Variants in ADAM23 observed in about 807,000 individuals in gnomAD.
ADAM23 encodes ADAM metallopeptidase domain 23.
A neutral mutation model predicts 120.1 loss-of-function variants in ADAM23; 33 were observed. The ratio of observed to expected loss-of-function variants is 0.27; its 90% CI spans 0.21 to 0.37. The LOEUF (loss-of-function observed/expected upper bound fraction) is 0.37, where lower values mean the gene tolerates loss of function less well. Ranked by LOEUF, ADAM23 falls within the 10% of genes least tolerant of loss-of-function variation. The pLI is 1.00. For synonymous variants in ADAM23, 367 were observed against 375.2 expected, an observed-to-expected ratio of 0.98 and a Z score of 0.25; for missense variants, 862 against 1,058.2, an observed-to-expected ratio of 0.81 and a Z score of 2.57.
intron 3 of ADAM23, among the ~76,000 whole-genome samples, chr2:206,487,736 A>G (rs945220638): frequency 6.6e-6 from 1 of 152,234 alleles, no homozygotes; most frequent in Admixed American, 6.5e-5. Flanking sequence ...GGATGCATCA[A>G]GGGTAATGCC....
rs371801798 is a variant in ADAM23 at position 206,476,820 on chromosome 2, T to C, written c.433-4412T>C. Among the ~76,000 whole-genome samples the C allele has an allele frequency of 2.0e-5, 3 of 152,176 alleles. No individual in the cohort carries two copies. In the East Asian group the frequency reaches 5.8e-4, roughly 29 times the overall value. ...ACAATTTAGTAGAAATTCAGCCTTATGATATTTTTTGAATTCTGGGAAAAT... is the reference window on the plus strand; with the variant it reads ...ACAATTTAGTAGAAATTCAGCCTTACGATATTTTTTGAATTCTGGGAAAAT... On this transcript the variant is annotated intron_variant, in intron 2 of 25. Coordinates refer to ENST00000264377, the MANE Select transcript of ADAM23 (RefSeq NM_003812.4).
chr2:206,611,821 G>A (rs1189507671), intron 25 of ADAM23, among the ~76,000 whole-genome samples: 1 of 152,178 alleles, frequency 6.6e-6, no homozygotes, highest in Non-Finnish European at 1.5e-5. Context: ...GCCCTGTAAA[G>A]ATTCTTTATA....
Position 206,476,696 on chromosome 2 carries a change from G to C in ADAM23, c.433-4536G>C, listed in dbSNP as rs1476876860. 1.3e-4 allele frequency among the ~76,000 whole-genome samples: 20 copies of C among 152,126 alleles called. No homozygotes were observed. The East Asian group carries it at 3.9e-3, about 29-fold the overall frequency. On this transcript the variant is annotated intron_variant, in intron 2 of 25. Transcript: ENST00000264377. Reference sequence around the variant, plus strand: ...GTGCCAAAAAGGTTGGGGACCACTGGTTTAGAGCATACTAAGGTGAAATAT... The same window carrying C: ...GTGCCAAAAAGGTTGGGGACCACTGCTTTAGAGCATACTAAGGTGAAATAT...
intron 3 of ADAM23, among the ~76,000 whole-genome samples, chr2:206,500,495 C>T (rs555564483): frequency 6.6e-6 from 1 of 152,280 alleles, no homozygotes; most frequent in Admixed American, 6.5e-5. Context: ...TTATCTCTAT[C>T]TCAGCGGTGA....
chr2:206,496,539 A>C (rs1696252629), intron 3 of ADAM23, among the ~76,000 whole-genome samples: 1 of 152,222 alleles, frequency 6.6e-6, no homozygotes, highest in Non-Finnish European at 1.5e-5. Flanking sequence ...AATGCCCACA[A>C]GAGAAAGCAG....
At chr2:206,514,869 G>A (rs1022859855) in intron 3 of ADAM23, among the ~76,000 whole-genome samples, 1 of 152,188 alleles carries the variant, frequency 6.6e-6, no homozygotes, top group African/African-American at 2.4e-5. Flanking sequence ...GGGCTCAGGT[G>A]ATCATTAGCG....
At chr2:206,547,631 C>T (rs1256480131) in intron 7 of ADAM23, 130 bp downstream of exon 7, 2 of 681,232 alleles carry the variant, frequency 2.9e-6, no homozygotes, top group Non-Finnish European at 4.8e-6. Flanking sequence ...CGTGGATCAG[C>T]ACTGGAATGA....
chr2:206,497,988 A>G (rs1696294316), intron 3 of ADAM23, among the ~76,000 whole-genome samples: 1 of 152,214 alleles, frequency 6.6e-6, no homozygotes. Context: ...CCACTGCTCA[A>G]TGAAATAAAA....
At chr2:206,601,947 T>G (rs1434664328) in intron 24 of ADAM23, among the ~76,000 whole-genome samples, 1 of 152,164 alleles carries the variant, frequency 6.6e-6, no homozygotes, top group Non-Finnish European at 1.5e-5. Flanking sequence ...TTATTATCAT[T>G]TAGTATTTTT....
At chr2:206,499,370 A>C (rs1300235728) in intron 3 of ADAM23, among the ~76,000 whole-genome samples, 1 of 151,182 alleles carries the variant, frequency 6.6e-6, no homozygotes, top group Admixed American at 6.7e-5. Flanking sequence ...GGAAACCATC[A>C]TTCTCAGCAA....
intron 3 of ADAM23, among the ~76,000 whole-genome samples, chr2:206,487,789 C>T (rs535348361): frequency 3.8e-4 from 58 of 152,278 alleles, no homozygotes; most frequent in Admixed American, 2.9e-3. Flanking sequence ...CTTAATAGAA[C>T]GCTACTCCAG....
rs568867210 is a variant in ADAM23, at chr2:206,459,521, G to A, written c.432+13997G>A. 2.5e-3 allele frequency among the ~76,000 whole-genome samples: 379 copies of A among 152,184 alleles called. 2 individuals carry two copies. The highest frequency in any genetic ancestry group is 4.6e-3 in the Non-Finnish European group (312 of 68,010). On this transcript the variant is annotated intron_variant, in intron 2 of 25. Transcript: ENST00000264377. Reference sequence around the variant, plus strand: ...TGGACTTCCCTTATATTTTCACACCGTAATGTGTTAAACATTTATTAACTT... The same window carrying A: ...TGGACTTCCCTTATATTTTCACACCATAATGTGTTAAACATTTATTAACTT...
At chr2:206,561,060 A>G in intron 11 of ADAM23, 68 bp from the exon 12 acceptor site, 2 of 1,369,402 alleles carry the variant, frequency 1.5e-6, no homozygotes, top group South Asian at 2.3e-5. Flanking sequence ...GAGGGTAGAC[A>G]TATTTTGGGA....
chr2:206,582,323 G>A (rs946259566), intron 18 of ADAM23, among the ~76,000 whole-genome samples: 2 of 152,154 alleles, frequency 1.3e-5, no homozygotes, highest in Admixed American at 1.3e-4. Context: ...AGCCACTGTT[G>A]CTTTAAAGTT....
chr2:206,584,980 G>A (rs1559277164), intron 18 of ADAM23, among the ~76,000 whole-genome samples: 3 of 152,244 alleles, frequency 2.0e-5, no homozygotes, highest in Admixed American at 2.0e-4. Context: ...AGGTAAAGTC[G>A]GAAACTTTTC....
rs1026420816 is a variant in ADAM23, at chr2:206,576,814, A to G, written c.1737+3619A>G. On this transcript the variant is annotated intron_variant, in intron 18 of 25. Transcript: ENST00000264377. ...AACAATACTTACGTAATTAAGAGAA[A>G]TCCTTGACAAACAATACTGGTGGAT... 4.6e-5 allele frequency among the ~76,000 whole-genome samples: 7 copies of G among 152,350 alleles called. No individual in the cohort carries two copies. The South Asian group carries it at 8.3e-4, about 18-fold the overall frequency.
chr2:206,528,886 G>T (rs1040328443), intron 3 of ADAM23, among the ~76,000 whole-genome samples: 20 of 152,118 alleles, frequency 1.3e-4, no homozygotes, highest in Non-Finnish European at 1.5e-5. Flanking sequence ...TTCCCATTAG[G>T]ATTAAATGAG....
Position 206,610,013 on chromosome 2 carries a change from G to A in ADAM23, c.2450+13G>A, listed in dbSNP as rs774106368. On this transcript the variant is annotated intron_variant, in intron 25 of 25. Transcript: ENST00000264377. ...GCTGGGGATTTAAGTAAGCAACGCC[G>A]CATGTCTTCTTCTCAGTGGCTCTGG... 7 of 1,552,068 alleles carry A rather than the reference G, an allele frequency of 4.5e-6. No homozygotes were observed. The highest frequency in any genetic ancestry group is 4.2e-5 in the African/African-American group (3 of 70,836).
In ADAM23 at chr2:206,495,713, G is replaced by A. The variant is rs534688900; in HGVS notation, c.509+14405G>A. ...TAAAAGGCACAGACTGGCAAATTGG[G>A]TAAAGAGTCAAGACCCATCAGTGTG... On this transcript the variant is annotated intron_variant, in intron 3 of 25. Coordinates refer to ENST00000264377, the MANE Select transcript of ADAM23 (RefSeq NM_003812.4). Among the ~76,000 whole-genome samples, 119 of 152,190 alleles carry A rather than the reference G, an allele frequency of 7.8e-4. 1 individual carries two copies. Among genetic ancestry groups the A allele is most frequent in the African/African-American group, 2.3e-3 (95 of 41,540 alleles).
Sources: allele counts gnomAD v4.1 joint callset (sites outside exome capture counted in the v4.1 genomes callset), GRCh38; gene constraint gnomAD v4.1.1; transcripts MANE v1.5; gene names NCBI Gene and HGNC (gene_info 2026-07-23, HGNC 2026-07-21).